LRRC37A2: variants seen among roughly 807,000 people sequenced by gnomAD.
The protein encoded by LRRC37A2 is leucine-rich repeat-containing protein 37A2.
LRRC37A2 carries 9 observed loss-of-function variants against 68.8 expected under a neutral mutation model. That is an observed-to-expected ratio of 0.13 (90% CI 0.08 to 0.23). The LOEUF (loss-of-function observed/expected upper bound fraction) is 0.23, where lower values mean the gene tolerates loss of function less well. Among genes scored for constraint, LRRC37A2 ranks in the 10% least tolerant of loss-of-function variants. The pLI, the probability that LRRC37A2 is intolerant of heterozygous loss-of-function variation, is 1.00. For synonymous variants in LRRC37A2, 63 were observed against 367.6 expected (o/e 0.17, Z 9.48); for missense variants, 168 against 950.4 (o/e 0.18, Z 10.82).
the LRRC37A2 span, among the ~76,000 whole-genome samples, chr17:46,953,153 C>T: frequency 2.0e-5 from 3 of 151,914 alleles, no homozygotes; most frequent in East Asian, 5.8e-4. Context: ...CCCATTAACT[C>T]GTCATTTAGC....
the LRRC37A2 span, among the ~76,000 whole-genome samples, chr17:46,771,664 C>T: frequency 6.9e-6 from 1 of 144,102 alleles, no homozygotes; most frequent in Admixed American, 6.8e-5. Context: ...CCGGGCCGGC[C>T]GCCACCGCGT....
At chr17:46,920,194 C>T in the LRRC37A2 span, among the ~76,000 whole-genome samples, 1 of 152,170 alleles carries the variant, frequency 6.6e-6, no homozygotes, top group Non-Finnish European at 1.5e-5. Flanking sequence ...TCTATTGATT[C>T]TTGAAGGTCT....
At chr17:46,709,273 A>T in the LRRC37A2 span, among the ~76,000 whole-genome samples, 1 of 152,156 alleles carries the variant, frequency 6.6e-6, no homozygotes, top group Admixed American at 6.5e-5. Context: ...TTTTAACAAC[A>T]AGTAATTTGG....
the LRRC37A2 span, among the ~76,000 whole-genome samples, chr17:47,047,573 C>A: frequency 6.6e-6 from 1 of 151,422 alleles, no homozygotes; most frequent in African/African-American, 2.4e-5. Context: ...ATGCTTTGCC[C>A]ACAGTGATAA....
the LRRC37A2 span, among the ~76,000 whole-genome samples, chr17:47,025,625 C>T: frequency 6.7e-6 from 1 of 149,978 alleles, no homozygotes; most frequent in South Asian, 2.1e-4. Flanking sequence ...AGAAAGGGAT[C>T]CCTGTATTTC....
At chr17:46,979,015 C>G in the LRRC37A2 span, 1 of 1,399,138 alleles carries the variant, frequency 7.1e-7, no homozygotes, top group South Asian at 1.6e-5. Flanking sequence ...CATCGCCGCG[C>G]GGCGCCGGGG....
chr17:46,790,400 A>G, the LRRC37A2 span, among the ~76,000 whole-genome samples: 27 of 152,172 alleles, frequency 1.8e-4, no homozygotes, highest in Middle Eastern at 3.4e-3. Flanking sequence ...GGCCCCCTGC[A>G]GAGAAAGGGA....
At chr17:46,771,502 C>T in the LRRC37A2 span, among the ~76,000 whole-genome samples, 1 of 149,312 alleles carries the variant, frequency 6.7e-6, no homozygotes, top group South Asian at 2.1e-4. Context: ...GCGGGGGCGG[C>T]GGGGGCGGGG....
At chr17:46,834,866 A>G in the LRRC37A2 span, among the ~76,000 whole-genome samples, 1 of 152,150 alleles carries the variant, frequency 6.6e-6, no homozygotes, top group Non-Finnish European at 1.5e-5. Context: ...GAGTCTCTGG[A>G]GGCCCACCTT....
the LRRC37A2 span, chr17:46,939,535 G>A: frequency 1.0e-6 from 1 of 985,506 alleles, no homozygotes; most frequent in Non-Finnish European, 1.2e-6. Flanking sequence ...CTGCGCCCAG[G>A]CTTTGTGGGC....
chr17:46,890,783 C>T, the LRRC37A2 span, among the ~76,000 whole-genome samples: 5 of 152,180 alleles, frequency 3.3e-5, no homozygotes, highest in Non-Finnish European at 7.3e-5. Context: ...CTGGGCAAAG[C>T]TCTCAGGAAG....
chr17:46,788,055 G>A, the LRRC37A2 span, among the ~76,000 whole-genome samples: 2 of 152,050 alleles, frequency 1.3e-5, no homozygotes, highest in Non-Finnish European at 2.9e-5. Flanking sequence ...AGTCCCACTT[G>A]GGACTTCAAG....
At chr17:46,927,061 A>C in the LRRC37A2 span, among the ~76,000 whole-genome samples, 1 of 152,210 alleles carries the variant, frequency 6.6e-6, no homozygotes, top group Non-Finnish European at 1.5e-5. Flanking sequence ...TTATTAATGC[A>C]TATGTCCCCA....
the LRRC37A2 span, among the ~76,000 whole-genome samples, chr17:46,817,583 G>A: frequency 6.6e-6 from 1 of 152,066 alleles, no homozygotes; most frequent in African/African-American, 2.4e-5. Context: ...CTGGAGCTGG[G>A]GCTCCCAAAG....
chr17:46,501,477 A>G, the LRRC37A2 span, among the ~76,000 whole-genome samples: 39 of 151,314 alleles, frequency 2.6e-4, 4 homozygotes, highest in African/African-American at 8.9e-4. Flanking sequence ...GCCTGACCAT[A>G]TATTTACCTT....
At chr17:46,891,309 G>A in the LRRC37A2 span, among the ~76,000 whole-genome samples, 1 of 152,326 alleles carries the variant, frequency 6.6e-6, no homozygotes, top group African/African-American at 2.4e-5. Flanking sequence ...AGGCAGGGGT[G>A]CCTTATCATC....
chr17:46,784,625 C>T, the LRRC37A2 span, among the ~76,000 whole-genome samples: 1 of 152,096 alleles, frequency 6.6e-6, no homozygotes, highest in Non-Finnish European at 1.5e-5. Flanking sequence ...AAACCTCAGC[C>T]CCTGCCCAGC....
intron 8 of LRRC37A2, among the ~76,000 whole-genome samples, chr17:46,545,908 G>A (rs1314932311): frequency 1.7e-4 from 25 of 149,730 alleles, no homozygotes; most frequent in Middle Eastern, 3.5e-3. Context: ...TCCAGAAGTT[G>A]GGGGCTTATT....
the LRRC37A2 span, among the ~76,000 whole-genome samples, chr17:46,723,861 A>G: frequency 6.6e-6 from 1 of 152,210 alleles, no homozygotes. Flanking sequence ...ACAATCAGGA[A>G]AATGTTTCTA....
Sources: allele counts gnomAD v4.1 joint callset (sites outside exome capture counted in the v4.1 genomes callset), GRCh38; gene constraint gnomAD v4.1.1; transcripts MANE v1.5; gene names NCBI Gene and HGNC (gene_info 2026-07-23, HGNC 2026-07-21).